The following LENG9 variants were observed in gnomAD, a reference collection of about 807,000 sequenced individuals.
LENG9 encodes the protein leukocyte receptor cluster member 9.
For synonymous variants in LENG9, 410 were observed against 303.9 expected (o/e 1.35, Z -3.63); for missense variants, 872 against 652.7 (o/e 1.34, Z -3.66).
In LENG9 at chr19:54,463,036, G is replaced by T; in HGVS notation, c.491C>A (p.Thr164Asn). Residue 164 changes from threonine (T) to asparagine (N), a missense_variant, in exon 1 of 1, where the codon ACC becomes AAC. Physicochemically the swap from Thr to Asn is moderately conservative, Grantham distance 65. Coordinates refer to ENST00000611161, the MANE Select transcript of LENG9 (RefSeq NM_001301782.2). ...ACCCTCTGCCCCGTGGGCGCCCTCG[G>T]TGTTCGGTGCGTCCAGGATGGTGGG... ...RGPTILDAPN[T>N]EGAHGAEGAE... The T allele has an allele frequency of 1.2e-6, 2 of 1,603,104 alleles. No individual in the cohort carries two copies. The highest frequency in any genetic ancestry group is 1.7e-6 in the Non-Finnish European group (2 of 1,179,522).
rs2084625532 is a variant in LENG9, at chr19:54,462,610, G to C, written c.917C>G (p.Thr306Ser). Residue 306 changes from threonine to serine, a missense_variant, in exon 1 of 1, where the codon ACC becomes AGC. Physicochemically the swap from Thr to Ser is moderately conservative, Grantham distance 58. Transcript: ENST00000611161. ...RPTHFVALMVTEPGLQAEVTK... is the reference protein window; with the variant it reads ...RPTHFVALMVSEPGLQAEVTK... Reference sequence around the variant, plus strand: ...CACTTCTGCTTGTAGCCCAGGCTCGGTCACCATGAGGGCCACAAAATGTGT... The same window carrying C: ...CACTTCTGCTTGTAGCCCAGGCTCGCTCACCATGAGGGCCACAAAATGTGT... The C allele has an allele frequency of 1.9e-6, 3 of 1,613,666 alleles. No individual in the cohort carries two copies. In the African/African-American group the frequency reaches 4.0e-5, roughly 22 times the overall value.
chr19:54,463,140 G>A lies in LENG9; in HGVS notation c.387C>T (p.Arg129=). ...GGTCCCACACAAGGCGGCCACGGAAGCGGAAGAAGCGCACGCGGTGCTGGG... is the reference window on the plus strand; with the variant it reads ...GGTCCCACACAAGGCGGCCACGGAAACGGAAGAAGCGCACGCGGTGCTGGG... ...AVPQHRVRFF[R]FRGRLVWDRA... The change falls in exon 1 of 1, where the codon CGC becomes CGT. Residue 129 remains arginine (R), a synonymous_variant. Transcript: ENST00000611161. The A allele has an allele frequency of 6.3e-7, 1 of 1,595,254 alleles. No homozygotes were observed. The highest frequency in any genetic ancestry group is 2.3e-5 in the East Asian group (1 of 44,402).
In LENG9 at chr19:54,461,911, C is replaced by T. The variant is rs1440785261; in HGVS notation, c.*179G>A. ...TCCAGATGTTCCTCCTCTGCCTCCC[C>T]TTCCCCTCCTCTCCCCTCCTTTTCC... On this transcript the variant is annotated 3_prime_UTR_variant, in exon 1 of 1. Coordinates refer to ENST00000611161, the MANE Select transcript of LENG9 (RefSeq NM_001301782.2). 1 of 873,244 alleles carries T rather than the reference C, an allele frequency of 1.1e-6. No homozygotes were observed. The highest frequency in any genetic ancestry group is 2.0e-6 in the Non-Finnish European group (1 of 508,676). 54.1% of individuals were successfully genotyped at this position (873,244 alleles called of 1,614,324 possible). A position where few individuals can be genotyped will look rare whatever the true frequency, so the allele number is the denominator to read the frequency against.
rs1402136260 is a variant in LENG9, at chr19:54,461,998, TAAAGAGAG to T, written c.*84_*91del. 2.8e-6 allele frequency: 4 copies of T among 1,422,430 alleles called. No individual in the cohort carries two copies. In the East Asian group the frequency reaches 6.8e-5, roughly 24 times the overall value. 88.1% of individuals were successfully genotyped at this position (1,422,430 alleles called of 1,614,324 possible). On this transcript the variant is annotated 3_prime_UTR_variant, in exon 1 of 1. Transcript: ENST00000611161. Reference sequence around the variant, plus strand: ...TTGGAAGCTTGAGAGAAACCAAAATTAAAGAGAGAAAGAGAGAGCGTGCACGCTCCTGC... The same window carrying T: ...TTGGAAGCTTGAGAGAAACCAAAATTAAAGAGAGAGCGTGCACGCTCCTGC...
chr19:54,463,075 G>A lies in LENG9; in HGVS notation c.452C>T (p.Ala151Val). 3 of 1,601,904 alleles carry A rather than the reference G, an allele frequency of 1.9e-6. No homozygotes were observed. The highest frequency in any genetic ancestry group is 2.5e-6 in the Non-Finnish European group (3 of 1,179,188). ...CAGGATGGTGGGCCCGCGTCCCGCC[G>A]CCGAGCCAGAGCCAAAGACGAGGTC... ...RTDLVFGSGS[A>V]AGRGPTILDA... Residue 151 changes from alanine (A) to valine (V), a missense_variant, in exon 1 of 1, where the codon GCG becomes GTG. By Grantham distance (64) the Ala-to-Val change is moderately conservative. Coordinates refer to ENST00000611161, the MANE Select transcript of LENG9 (RefSeq NM_001301782.2).
In LENG9 at chr19:54,461,738, T is replaced by C. The variant is rs3745438; in HGVS notation, c.*352A>G. 0.036 allele frequency: 18,731 copies of C among 517,048 alleles called. 575 individuals are homozygous for C. Among genetic ancestry groups the C allele is most frequent in the East Asian group, 0.078 (1,400 of 17,938 alleles). The allele number at this position is 517,048 out of a possible 1,614,324, so 32.0% of individuals were successfully genotyped here. ...ATCACCAGCTCACGTCATGTTGCCTTCTCTTTTCTTTGTGTGTGTGTTTAT... is the reference window on the plus strand; with the variant it reads ...ATCACCAGCTCACGTCATGTTGCCTCCTCTTTTCTTTGTGTGTGTGTTTAT... On this transcript the variant is annotated 3_prime_UTR_variant, in exon 1 of 1. Transcript: ENST00000611161.
In LENG9 at chr19:54,463,177, A is replaced by G; in HGVS notation, c.350T>C (p.Val117Ala). Residue 117 changes from valine to alanine, a missense_variant, in exon 1 of 1, where the codon GTG becomes GCG. Coordinates refer to ENST00000611161, the MANE Select transcript of LENG9 (RefSeq NM_001301782.2). Reference protein sequence around the residue: ...DQPLAALGPGVLAVPQHRVRF... With the variant: ...DQPLAALGPGALAVPQHRVRF... ...CACGCGGTGCTGGGGCACTGCCAGC[A>G]CGCCCGGCCCGAGCGCCGCCAGCGG... is the stretch of plus-strand genomic sequence containing the variant. 6.3e-7 allele frequency: 1 copy of G among 1,578,496 alleles called. No individual in the cohort carries two copies. Among genetic ancestry groups the G allele is most frequent in the African/African-American group, 1.3e-5 (1 of 74,324 alleles).
chr19:54,462,671 G>T lies in LENG9; in HGVS notation c.856C>A (p.Arg286Ser), dbSNP rs754006365. The change falls in exon 1 of 1, where the codon CGC (arginine) becomes AGC (serine). Residue 286 changes from arginine (R) to serine (S), a missense_variant. Physicochemically the swap from Arg to Ser is moderately radical, Grantham distance 110 (BLOSUM62 -1). Coordinates refer to ENST00000611161, the MANE Select transcript of LENG9 (RefSeq NM_001301782.2). ...PAAWPEDKRA[R>S]LSVAAPCQPR... Reference sequence around the variant, plus strand: ...TGGCAAGGGGCTGCAACACTAAGGCGGGCCCTTTTGTCCTCGGGCCAGGCC... The same window carrying T: ...TGGCAAGGGGCTGCAACACTAAGGCTGGCCCTTTTGTCCTCGGGCCAGGCC... 8 of 1,612,114 alleles carry T rather than the reference G, an allele frequency of 5.0e-6. No homozygotes were observed. Among genetic ancestry groups the T allele is most frequent in the Non-Finnish European group, 6.8e-6 (8 of 1,179,998 alleles).
rs746452404 is a variant in LENG9 at position 54,462,257 on chromosome 19, G to A, written c.1270C>T (p.His424Tyr). Reference sequence around the variant, plus strand: ...TGGGGCACCTTGGCCACGGTGAGGTGGGGGTGCAGCTGCCCTGGAGACTGT... The same window carrying A: ...TGGGGCACCTTGGCCACGGTGAGGTAGGGGTGCAGCTGCCCTGGAGACTGT... ...TLQSPGQLHP[H>Y]LTVAKVPHGS... Residue 424 changes from histidine to tyrosine, a missense_variant, in exon 1 of 1, where the codon CAC (histidine) becomes TAC (tyrosine). Coordinates refer to ENST00000611161, the MANE Select transcript of LENG9 (RefSeq NM_001301782.2). 5.6e-6 allele frequency: 9 copies of A among 1,611,308 alleles called. No homozygotes were observed. The highest frequency in any genetic ancestry group is 4.4e-5 in the South Asian group (4 of 90,760).
chr19:54,462,430 G>A lies in LENG9; in HGVS notation c.1097C>T (p.Ala366Val), dbSNP rs572996815. 836 of 1,613,504 alleles carry A rather than the reference G, an allele frequency of 5.2e-4. 9 individuals carry two copies. In the South Asian group the frequency reaches 8.5e-3, roughly 16 times the overall value. ...CCGAGGGGGTGCATTTAGCCCCGGG[G>A]CCAAGAGGGCCCGTCTCAGAGCTCC... ...AIGALRRALL[A>V]PGLNAPPRLS... Residue 366 changes from alanine (A) to valine (V), a missense_variant, in exon 1 of 1, where the codon GCC (alanine) becomes GTC (valine). Coordinates refer to ENST00000611161, the MANE Select transcript of LENG9 (RefSeq NM_001301782.2).
In LENG9 at chr19:54,461,914, C is replaced by T. The variant is rs549506136; in HGVS notation, c.*176G>A. 2 of 852,944 alleles carry T rather than the reference C, an allele frequency of 2.3e-6. No individual in the cohort carries two copies. Among genetic ancestry groups the T allele is most frequent in the Non-Finnish European group, 2.0e-6 (1 of 495,556 alleles). The allele number at this position is 852,944 out of a possible 1,614,324, so 52.8% of individuals were successfully genotyped here. Reference sequence around the variant, plus strand: ...AGATGTTCCTCCTCTGCCTCCCCTTCCCCTCCTCTCCCCTCCTTTTCCTTC... The same window carrying T: ...AGATGTTCCTCCTCTGCCTCCCCTTTCCCTCCTCTCCCCTCCTTTTCCTTC... On this transcript the variant is annotated 3_prime_UTR_variant, in exon 1 of 1. Transcript: ENST00000611161.
Position 54,461,840 on chromosome 19 carries a change from A to C in LENG9, c.*250T>G. 1 of 564,892 alleles carries C rather than the reference A, an allele frequency of 1.8e-6. No homozygotes were observed. The highest frequency in any genetic ancestry group is 2.1e-5 in the African/African-American group (1 of 48,742). 35.0% of individuals were successfully genotyped at this position (564,892 alleles called of 1,614,324 possible). Reference sequence around the variant, plus strand: ...CCCTCTTCTGCCATGTAACTGGAGGATGTGCTATGAGTTTGCAAACAGCTG... The same window carrying C: ...CCCTCTTCTGCCATGTAACTGGAGGCTGTGCTATGAGTTTGCAAACAGCTG... On this transcript the variant is annotated 3_prime_UTR_variant, in exon 1 of 1. Transcript: ENST00000611161.
rs535452245 is a variant in LENG9 at position 54,461,961 on chromosome 19, A to C, written c.*129T>G. ...CTTCCTTCCTTCCTTTCCTTGGAGC[A>C]CTGAGCACCATTTGGAAGCTTGAGA... On this transcript the variant is annotated 3_prime_UTR_variant, in exon 1 of 1. Coordinates refer to ENST00000611161, the MANE Select transcript of LENG9 (RefSeq NM_001301782.2). 7.5e-6 allele frequency: 8 copies of C among 1,060,530 alleles called. No homozygotes were observed. The highest frequency in any genetic ancestry group is 1.0e-5 in the Non-Finnish European group (7 of 689,268). 65.7% of individuals were successfully genotyped at this position (1,060,530 alleles called of 1,614,324 possible). A position where few individuals can be genotyped will look rare whatever the true frequency, so the allele number is the denominator to read the frequency against.
At position 54,462,812 on chromosome 19, in the gene LENG9, CAG is replaced by C. The variant is rs1218033905; in HGVS notation, c.713_714del (p.Thr238ArgfsTer30). The C allele has an allele frequency of 6.2e-7, 1 of 1,611,836 alleles. No homozygotes were observed. The highest frequency in any genetic ancestry group is 8.5e-7 in the Non-Finnish European group (1 of 1,179,794). On this transcript the variant is annotated frameshift_variant, in exon 1 of 1. Transcript: ENST00000611161. LOFTEE classifies it low-confidence loss of function (END_TRUNC). ...LAPRGRLAGV[T>X]EALKPTAATR... The stretch of plus-strand genomic sequence containing the variant: ...GTGGCTGCTGTTGGCTTCAGTGCCT[CAG>C]TCACTCCGGCGAGGCGTCCTCTTGG...
Position 54,463,610 on chromosome 19 carries a change from C to G in LENG9, c.-84G>C, listed in dbSNP as rs2123271197. 7.8e-7 allele frequency: 1 copy of G among 1,283,204 alleles called. No individual in the cohort carries two copies. Among genetic ancestry groups the G allele is most frequent in the East Asian group, 3.3e-5 (1 of 30,340 alleles). 79.5% of individuals were successfully genotyped at this position (1,283,204 alleles called of 1,614,324 possible). A position where few individuals can be genotyped will look rare whatever the true frequency, so the allele number is the denominator to read the frequency against. On this transcript the variant is annotated 5_prime_UTR_variant, in exon 1 of 1. Transcript: ENST00000611161. ...CTCCCCTTGGATGCACCGAGCCTCA[C>G]CCGACAGTGGCGTCAGCGGCCCGCG...
At position 54,462,891 on chromosome 19, in the gene LENG9, C is replaced by T. The variant is rs2084640498; in HGVS notation, c.636G>A (p.Glu212=). 6.2e-7 allele frequency: 1 copy of T among 1,612,722 alleles called. No individual in the cohort carries two copies. The highest frequency in any genetic ancestry group is 1.7e-5 in the Admixed American group (1 of 60,026). ...EPGVEEPGEL[E]AAQERALGTA... is the part of the protein sequence containing the mutation. ...TGCCCAGCGCCCTCTCCTGGGCCGCCTCCAGCTCTCCGGGTTCCTCCACGC... is the reference window on the plus strand; with the variant it reads ...TGCCCAGCGCCCTCTCCTGGGCCGCTTCCAGCTCTCCGGGTTCCTCCACGC... The change falls in exon 1 of 1, where the codon GAG becomes GAA. Residue 212 remains glutamate, a synonymous_variant. Transcript: ENST00000611161.
Position 54,462,946 on chromosome 19 carries a change from C to G in LENG9, c.581G>C (p.Arg194Thr). 1 of 1,611,258 alleles carries G rather than the reference C, an allele frequency of 6.2e-7. No individual in the cohort carries two copies. The highest frequency in any genetic ancestry group is 8.5e-7 in the Non-Finnish European group (1 of 1,179,914). The change falls in exon 1 of 1, where the codon AGG becomes ACG. Residue 194 changes from arginine (R) to threonine (T), a missense_variant. Physicochemically the swap from Arg to Thr is moderately conservative, Grantham distance 71. Coordinates refer to ENST00000611161, the MANE Select transcript of LENG9 (RefSeq NM_001301782.2). ...TTCCTGGTGCCCTGTGCAGAGCGGC[C>G]TTGTGCTCCCTCGCTTGGGGGCAGC... Reference protein sequence around the residue: ...AQAAPKRGSTRPLCTGHQEPG... With the variant: ...AQAAPKRGSTTPLCTGHQEPG...
In LENG9 at chr19:54,463,231, T is replaced by G; in HGVS notation, c.296A>C (p.Glu99Ala). 1 of 1,546,336 alleles carries G rather than the reference T, an allele frequency of 6.5e-7. No homozygotes were observed. The highest frequency in any genetic ancestry group is 8.7e-7 in the Non-Finnish European group (1 of 1,152,210). ...YVDRFLGVRE[E>A]PFSAFCWDQP... ...GTCCCAGCAAAAGGCGCTGAAGGGC[T>G]CCTCGCGCACACCCAGAAAGCGGTC... Residue 99 changes from glutamate to alanine, a missense_variant, in exon 1 of 1, where the codon GAG (glutamate) becomes GCG (alanine). Physicochemically the swap from Glu to Ala is moderately radical, Grantham distance 107 (BLOSUM62 -1). Transcript: ENST00000611161.
In LENG9 at chr19:54,463,219, G is replaced by A. The variant is rs1162336513; in HGVS notation, c.308C>T (p.Ala103Val). The A allele has an allele frequency of 3.2e-6, 5 of 1,550,090 alleles. No homozygotes were observed. Among genetic ancestry groups the A allele is most frequent in the Admixed American group, 1.9e-5 (1 of 52,278 alleles). The change falls in exon 1 of 1, where the codon GCC becomes GTC. Residue 103 changes from alanine (A) to valine (V), a missense_variant. By Grantham distance (64) the Ala-to-Val change is moderately conservative. Coordinates refer to ENST00000611161, the MANE Select transcript of LENG9 (RefSeq NM_001301782.2). ...CGCCAGCGGCTGGTCCCAGCAAAAGGCGCTGAAGGGCTCCTCGCGCACACC... is the reference window on the plus strand; with the variant it reads ...CGCCAGCGGCTGGTCCCAGCAAAAGACGCTGAAGGGCTCCTCGCGCACACC... ...FLGVREEPFS[A>V]FCWDQPLAAL...
Sources: allele counts gnomAD v4.1 joint callset, GRCh38; gene constraint gnomAD v4.1.1; transcripts MANE v1.5; gene names NCBI Gene and HGNC (gene_info 2026-07-23, HGNC 2026-07-21).